Variants in NPR1 observed in about 807,000 individuals in gnomAD.
The protein encoded by NPR1 is natriuretic peptide receptor 1.
A neutral mutation model predicts 116.9 loss-of-function variants in NPR1; 57 were observed. The observed-to-expected ratio is 0.49, with a 90% CI of 0.39 to 0.61. The LOEUF (loss-of-function observed/expected upper bound fraction) is 0.61, where lower values mean the gene tolerates loss of function less well. Ranked by LOEUF, NPR1 falls within the 20% of genes least tolerant of loss-of-function variation. NPR1 has a pLI of 0.00. For synonymous variants in NPR1, 555 were observed against 601.6 expected (o/e 0.92, Z 1.13); for missense variants, 1,096 against 1,409.8 (o/e 0.78, Z 3.56).
Position 153,679,163 on chromosome 1 carries a change from C to A in NPR1, c.55C>A (p.Leu19Met). The change falls in exon 1 of 22, where the codon CTG becomes ATG. Residue 19 changes from leucine (L) to methionine (M), a missense_variant. Coordinates refer to ENST00000368680, the MANE Select transcript of NPR1 (RefSeq NM_000906.4). This position sits in a 1 kb window ranked among gnomAD's most constrained non-coding sequence, Gnocchi z 4.2. The stretch of plus-strand genomic sequence containing the variant: ...CCGCCTGCGCCTGCTCCTGCTCCTG[C>A]TGCTGCCGCCGCTGCTGCTGCTGCT... ...GSRLRLLLLL[L>M]LPPLLLLLRG... 2.0e-6 allele frequency: 3 copies of A among 1,501,120 alleles called. No homozygotes were observed. The highest frequency in any genetic ancestry group is 2.7e-6 in the Non-Finnish European group (3 of 1,131,758). The allele number at this position is 1,501,120 out of a possible 1,614,324, so 93.0% of individuals were successfully genotyped here.
intron 7 of NPR1, among the ~76,000 whole-genome samples, chr1:153,684,386 C>CTTTTTTTTTTT (rs58272090): frequency 6.7e-5 from 6 of 88,976 alleles, no homozygotes; most frequent in Admixed American, 3.3e-4. Context: ...TTCTTTCTTT[C>CTTTTTTTTTTT]TTTTTTTTTT....
At chr1:153,683,630 T>G (rs558261035) in intron 6 of NPR1, 110 bp from the exon 7 acceptor site, 32 of 1,547,264 alleles carry the variant, frequency 2.1e-5, no homozygotes, top group Non-Finnish European at 2.6e-5. Flanking sequence ...ACTCCTGCCT[T>G]TTTCTTCCCT....
chr1:153,678,721 A>G lies in NPR1; in HGVS notation c.-388A>G. 1 of 223,628 alleles carries G rather than the reference A, an allele frequency of 4.5e-6. No homozygotes were observed. The highest frequency in any genetic ancestry group is 1.2e-4 in the South Asian group (1 of 8,370). The allele number at this position is 223,628 out of a possible 1,614,324, so 13.9% of individuals were successfully genotyped here. On this transcript the variant is annotated 5_prime_UTR_variant, in exon 1 of 22. Transcript: ENST00000368680. The surrounding 1 kb of genome is among the most constrained non-coding windows in gnomAD (Gnocchi z 5.8). ...TGGGGCAGGCGCTCACGCACGCTAC[A>G]AACACACACTCCTCTTTCCTCCCTC... is the stretch of plus-strand genomic sequence containing the variant.
chr1:153,693,394 G>T lies in NPR1; in HGVS notation c.3166G>T (p.Gly1056Trp). Residue 1056 changes from glycine (G) to tryptophan (W), a missense_variant, in exon 22 of 22, where the codon GGG (glycine) becomes TGG (tryptophan). Coordinates refer to ENST00000368680, the MANE Select transcript of NPR1 (RefSeq NM_000906.4). ...VRTYWLLGER[G>W]SSTRG ...GACCTACTGGCTCCTTGGGGAGAGG[G>T]GGAGTAGCACCCGAGGCTGACCTGC... 6.2e-7 allele frequency: 1 copy of T among 1,612,300 alleles called. No homozygotes were observed. The highest frequency in any genetic ancestry group is 8.5e-7 in the Non-Finnish European group (1 of 1,179,160).
Position 153,687,276 on chromosome 1 carries a change from G to T in NPR1, c.2012G>T (p.Arg671Leu). 1 of 1,614,098 alleles carries T rather than the reference G, an allele frequency of 6.2e-7. No homozygotes were observed. The highest frequency in any genetic ancestry group is 1.7e-5 in the Admixed American group (1 of 60,016). The part of the protein sequence containing the change: ...LKSSNCVVDG[R>L]FVLKITDYGL... ...TCATCCAACTGCGTGGTAGATGGGC[G>T]CTTTGTGCTCAAGATCACCGACTAT... Residue 671 changes from arginine to leucine, a missense_variant, in exon 13 of 22, where the codon CGC becomes CTC. Transcript: ENST00000368680.
intron 10 of NPR1, 102 bp downstream of exon 10, chr1:153,686,302 A>G (rs1291142236): frequency 6.2e-6 from 7 of 1,121,418 alleles, no homozygotes; most frequent in Middle Eastern, 2.0e-4. Flanking sequence ...GGGTACCCCA[A>G]GAAAGGGGCA....
chr1:153,688,082 C>A lies in NPR1; in HGVS notation c.2278C>A (p.Gln760Lys). ...EIIERVTRGE[Q>K]PPFRPSLALQ... ...CATCGAGCGGGTGACTCGGGGTGAG[C>A]AGCCCCCCTTCCGGCCCTCCCTGGC... is the stretch of plus-strand genomic sequence containing the variant. The change falls in exon 15 of 22, where the codon CAG (glutamine) becomes AAG (lysine). Residue 760 changes from glutamine (Q) to lysine (K), a missense_variant. Gln to Lys is a moderately conservative substitution (Grantham distance 53, BLOSUM62 1). Transcript: ENST00000368680. 6.2e-7 allele frequency: 1 copy of A among 1,611,474 alleles called. No individual in the cohort carries two copies. Among genetic ancestry groups the A allele is most frequent in the East Asian group, 2.2e-5 (1 of 44,842 alleles).
chr1:153,687,616 C>A lies in NPR1; in HGVS notation c.2093-18C>A. The A allele has an allele frequency of 6.4e-7, 1 of 1,563,258 alleles. No homozygotes were observed. Among genetic ancestry groups the A allele is most frequent in the Non-Finnish European group, 8.7e-7 (1 of 1,150,300 alleles). On this transcript the variant is annotated intron_variant, in intron 13 of 21. Transcript: ENST00000368680. ...TTTGGGCTCCCTCACTCGGTGACTACCGACCTCTGACCCACAGAAAAGCTG... is the reference window on the plus strand; with the variant it reads ...TTTGGGCTCCCTCACTCGGTGACTAACGACCTCTGACCCACAGAAAAGCTG...
intron 2 of NPR1, 139 bp from the exon 3 acceptor site, chr1:153,681,041 T>C (rs971473086): frequency 2.5e-5 from 16 of 638,462 alleles, no homozygotes; most frequent in Non-Finnish European, 3.7e-5. Context: ...CATCACTTCA[T>C]GCAGGGCATA....
In NPR1 at chr1:153,686,663, T is replaced by C; in HGVS notation, c.1776T>C (p.Asn592=). 1 of 1,613,876 alleles carries C rather than the reference T, an allele frequency of 6.2e-7. No individual in the cohort carries two copies. Among genetic ancestry groups the C allele is most frequent in the Non-Finnish European group, 8.5e-7 (1 of 1,179,852 alleles). The change falls in exon 11 of 22, where the codon AAT becomes AAC. Residue 592 remains asparagine (N), a synonymous_variant. Transcript: ENST00000368680. ...ACTTGCAGATGCGGGATGTGCAGAA[T>C]GAACACCTGACCAGGTTTGTGGGAG... ...FELKHMRDVQ[N]EHLTRFVGAC...
intron 10 of NPR1, 103 bp downstream of exon 10, chr1:153,686,303 GA>G: frequency 8.9e-7 from 1 of 1,122,980 alleles, no homozygotes; most frequent in Admixed American, 1.9e-5. Context: ...GGTACCCCAA[GA>G]AAGGGGCAGG....
intron 15 of NPR1, chr1:153,688,598 C>G: frequency 2.4e-6 from 1 of 414,632 alleles, no homozygotes. Flanking sequence ...CCTTCCCCAG[C>G]GTGCCCACCA....
At position 153,683,465 on chromosome 1, in the gene NPR1, C is replaced by T. The variant is rs1669840100; in HGVS notation, c.1353C>T (p.Asp451=). 2 of 1,614,090 alleles carry T rather than the reference C, an allele frequency of 1.2e-6. No homozygotes were observed. The highest frequency in any genetic ancestry group is 1.7e-6 in the Non-Finnish European group (2 of 1,180,044). The change falls in exon 6 of 22, where the codon GAC becomes GAT. Residue 451 remains aspartate (D), a synonymous_variant. Coordinates refer to ENST00000368680, the MANE Select transcript of NPR1 (RefSeq NM_000906.4). Reference sequence around the variant, plus strand: ...GGCCCCTGGGGTACCCTCCTCCTGACATCCCCAAATGTGGCTTTGACAACG... The same window carrying T: ...GGCCCCTGGGGTACCCTCCTCCTGATATCCCCAAATGTGGCTTTGACAACG... ...LNWPLGYPPP[D]IPKCGFDNED... is the part of the protein sequence containing the mutation.
chr1:153,689,422 C>T lies in NPR1; in HGVS notation c.2689-31C>T. ...TGACCCCAGGTGGGGTCCCCTACTTCCTGTCTCTCTTAGCTTCTCTTCCCT... is the reference window on the plus strand; with the variant it reads ...TGACCCCAGGTGGGGTCCCCTACTTTCTGTCTCTCTTAGCTTCTCTTCCCT... On this transcript the variant is annotated intron_variant, in intron 17 of 21. Coordinates refer to ENST00000368680, the MANE Select transcript of NPR1 (RefSeq NM_000906.4). This position sits in a 1 kb window ranked among gnomAD's most constrained non-coding sequence, Gnocchi z 5.1. The T allele has an allele frequency of 1.2e-6, 2 of 1,613,924 alleles. No homozygotes were observed. The highest frequency in any genetic ancestry group is 1.7e-6 in the Non-Finnish European group (2 of 1,179,790).
chr1:153,687,139 C>T, intron 12 of NPR1, 52 bp downstream of exon 12: 1 of 1,612,958 alleles, frequency 6.2e-7, no homozygotes. Flanking sequence ...AGGCATGCTT[C>T]TCCTGGCCAC....
In NPR1 at chr1:153,687,082, G is replaced by T. The variant is rs191813645; in HGVS notation, c.1930G>T (p.Val644Phe). The change falls in exon 12 of 22, where the codon GTC becomes TTC. Residue 644 changes from valine (V) to phenylalanine (F), a missense_variant. Transcript: ENST00000368680. ...MFRYSLTNDIVKGMLFLHNGA... is the reference protein window; with the variant it reads ...MFRYSLTNDIFKGMLFLHNGA... ...CCGGTACTCACTCACCAATGACATC[G>T]TCAAGGTATGCCCCTAAGCACCTAT... The T allele has an allele frequency of 1.2e-6, 2 of 1,614,084 alleles. No individual in the cohort carries two copies. The highest frequency in any genetic ancestry group is 2.2e-5 in the South Asian group (2 of 91,084).
intron 13 of NPR1, 60 bp from the exon 14 acceptor site, chr1:153,687,574 C>T: frequency 1.3e-6 from 2 of 1,528,082 alleles, no homozygotes; most frequent in African/African-American, 1.4e-5. Flanking sequence ...ACCCTTGTTT[C>T]CCCCTCACCC....
chr1:153,679,413 T>C lies in NPR1; in HGVS notation c.305T>C (p.Val102Ala). Reference protein sequence around the residue: ...CSDTAAPLAAVDLKWEHNPAV... With the variant: ...CSDTAAPLAAADLKWEHNPAV... Reference sequence around the variant, plus strand: ...GACACCGCAGCGCCCCTGGCCGCGGTGGACCTCAAGTGGGAGCACAACCCC... The same window carrying C: ...GACACCGCAGCGCCCCTGGCCGCGGCGGACCTCAAGTGGGAGCACAACCCC... Residue 102 changes from valine to alanine, a missense_variant, in exon 1 of 22, where the codon GTG becomes GCG. Transcript: ENST00000368680. The surrounding 1 kb of genome is among the most constrained non-coding windows in gnomAD (Gnocchi z 4.2). 1.9e-6 allele frequency: 3 copies of C among 1,542,192 alleles called. No homozygotes were observed. Among genetic ancestry groups the C allele is most frequent in the Non-Finnish European group, 2.6e-6 (3 of 1,148,726 alleles).
chr1:153,683,230 G>A (rs1354465738), intron 5 of NPR1, 146 bp from the exon 6 acceptor site: 1 of 845,534 alleles, frequency 1.2e-6, no homozygotes, highest in South Asian at 1.8e-5. Flanking sequence ...TCCAGTTGCA[G>A]TGGGGACTTG....
Sources: allele counts gnomAD v4.1 joint callset (sites outside exome capture counted in the v4.1 genomes callset), GRCh38; gene constraint gnomAD v4.1.1; non-coding constraint Gnocchi (gnomAD v3.1); transcripts MANE v1.5; gene names NCBI Gene and HGNC (gene_info 2026-07-23, HGNC 2026-07-21).